Variants in ERBIN observed in about 807,000 individuals in gnomAD.
ERBIN encodes the protein erbb2 interacting protein.
ERBIN carries 60 observed loss-of-function variants against 158.4 expected under a neutral mutation model. The ratio of observed to expected loss-of-function variants is 0.38; its 90% CI spans 0.31 to 0.47. The LOEUF (loss-of-function observed/expected upper bound fraction) is 0.47, where lower values mean the gene tolerates loss of function less well. Ranked by LOEUF, ERBIN falls within the 20% of genes least tolerant of loss-of-function variation. The pLI is 0.99. For synonymous variants in ERBIN, 594 were observed against 557.2 expected, an observed-to-expected ratio of 1.07 and a Z score of -0.93; for missense variants, 1,610 against 1,648.0, an observed-to-expected ratio of 0.98 and a Z score of 0.40.
chr5:65,938,790 A>G (rs1744406357), intron 1 of ERBIN, among the ~76,000 whole-genome samples: 1 of 151,866 alleles, frequency 6.6e-6, no homozygotes. Context: ...TGACCTTATG[A>G]TCTGCCTGCC....
intron 1 of ERBIN, among the ~76,000 whole-genome samples, chr5:65,939,542 CCT>C (rs561711829): frequency 2.0e-4 from 30 of 149,340 alleles, no homozygotes; most frequent in Non-Finnish European, 4.1e-4. Flanking sequence ...CCCCCCTCTC[CCT>C]CTCCCCACGG....
At chr5:65,998,245 GAT>G (rs1031398810) in intron 4 of ERBIN, among the ~76,000 whole-genome samples, 6 of 146,870 alleles carry the variant, frequency 4.1e-5, no homozygotes, top group Admixed American at 1.4e-4. Flanking sequence ...TATATATATA[GAT>G]ATATATATAT....
chr5:66,035,895 A>G (rs1757348011), intron 14 of ERBIN, among the ~76,000 whole-genome samples: 2 of 152,068 alleles, frequency 1.3e-5, no homozygotes, highest in African/African-American at 4.8e-5. Context: ...GGAGTTTGAG[A>G]CCTGCCTGGG....
At chr5:66,023,466 G>T in intron 9 of ERBIN, 102 bp downstream of exon 9, 1 of 636,690 alleles carries the variant, frequency 1.6e-6, no homozygotes, top group Non-Finnish European at 2.6e-6. Flanking sequence ...TAAAAAAATT[G>T]AATTATTCTT....
At chr5:66,029,419 A>G (rs1756610020) in intron 14 of ERBIN, among the ~76,000 whole-genome samples, 1 of 152,196 alleles carries the variant, frequency 6.6e-6, no homozygotes, top group Admixed American at 6.5e-5. Flanking sequence ...GATACTCATG[A>G]ACTCCGCAGC....
At chr5:65,986,288 C>T (rs1457838289) in intron 1 of ERBIN, among the ~76,000 whole-genome samples, 1 of 152,214 alleles carries the variant, frequency 6.6e-6, no homozygotes, top group African/African-American at 2.4e-5. Context: ...CATCTTTCTT[C>T]TCTCTGCCTT....
chr5:66,017,870 GAGAT>G (rs1195443387), intron 7 of ERBIN, among the ~76,000 whole-genome samples: 2 of 152,128 alleles, frequency 1.3e-5, no homozygotes, highest in Non-Finnish European at 2.9e-5. Flanking sequence ...TGTATGGTGA[GAGAT>G]AGAGGTCTAG....
At chr5:66,036,571 C>T (rs1396133573) in intron 14 of ERBIN, among the ~76,000 whole-genome samples, 1 of 152,100 alleles carries the variant, frequency 6.6e-6, no homozygotes, top group East Asian at 1.9e-4. Flanking sequence ...GCACACTGTA[C>T]CCTGTCTACC....
At chr5:65,932,572 A>T (rs1461200812) in intron 1 of ERBIN, among the ~76,000 whole-genome samples, 1 of 152,176 alleles carries the variant, frequency 6.6e-6, no homozygotes, top group Non-Finnish European at 1.5e-5. Context: ...GAGACTGTGG[A>T]CTTCCAGGGC....
chr5:65,967,393 G>T (rs977800519), intron 1 of ERBIN, among the ~76,000 whole-genome samples: 15 of 148,892 alleles, frequency 1.0e-4, no homozygotes, highest in African/African-American at 3.5e-4. Context: ...AGGTGTACTA[G>T]TTTTTTTTTT....
chr5:66,035,595 A>G (rs1678448130), intron 14 of ERBIN, among the ~76,000 whole-genome samples: 2 of 152,242 alleles, frequency 1.3e-5, no homozygotes, highest in Non-Finnish European at 2.9e-5. Context: ...CACTAGTGTC[A>G]GGTGACTGGT....
At chr5:66,017,626 G>T (rs1754927945) in intron 7 of ERBIN, among the ~76,000 whole-genome samples, 1 of 149,764 alleles carries the variant, frequency 6.7e-6, no homozygotes, top group South Asian at 2.1e-4. Flanking sequence ...TCTGTGGTTT[G>T]TTCATTTTGT....
In ERBIN at chr5:66,054,929, T is replaced by A; in HGVS notation, c.3611T>A (p.Ile1204Asn). The A allele has an allele frequency of 6.3e-7, 1 of 1,580,542 alleles. No homozygotes were observed. Among genetic ancestry groups the A allele is most frequent in the Non-Finnish European group, 8.6e-7 (1 of 1,163,604 alleles). ...RDWREQVLRH[I>N]EAKKLEKKHP... ...TGGAGAGAACAAGTACTTCGACATA[T>A]TGAAGCCAAAAAGTTAGAAAAGGTA... Residue 1204 changes from isoleucine to asparagine, a missense_variant, in exon 21 of 26, where the codon ATT (isoleucine) becomes AAT (asparagine). Ile to Asn is a moderately radical substitution (Grantham distance 149). Coordinates refer to ENST00000284037, the MANE Select transcript of ERBIN (RefSeq NM_001253697.2).
At chr5:65,992,347 A>G (rs1471177448) in intron 2 of ERBIN, among the ~76,000 whole-genome samples, 2 of 151,602 alleles carry the variant, frequency 1.3e-5, no homozygotes, top group African/African-American at 4.9e-5. Context: ...ACGGGGTTTC[A>G]CTCTGTTAGC....
In ERBIN at chr5:66,079,525, G is replaced by A. The variant is rs1762284393; in HGVS notation, c.*995G>A. On this transcript the variant is annotated 3_prime_UTR_variant, in exon 26 of 26. Transcript: ENST00000284037. ...TGCCTGTAACACAAAATGTTACGAAGGTTTAGGAAAGCCTCTTTGATTTTT... is the reference window on the plus strand; with the variant it reads ...TGCCTGTAACACAAAATGTTACGAAAGTTTAGGAAAGCCTCTTTGATTTTT... 1 of 151,346 alleles carries A rather than the reference G, an allele frequency of 6.6e-6. No homozygotes were observed. Among genetic ancestry groups the A allele is most frequent in the Admixed American group, 6.6e-5 (1 of 15,258 alleles). 9.4% of individuals were successfully genotyped at this position (151,346 alleles called of 1,614,324 possible).
rs190655578 is a variant in ERBIN at position 66,081,749 on chromosome 5, T to G, written c.*3219T>G. On this transcript the variant is annotated 3_prime_UTR_variant, in exon 26 of 26. Transcript: ENST00000284037. ...ATGGAGATTGACGTGTGAAATCTAT[T>G]TGGAAGGGTATTTTTTTCACTCAGT... 1 of 152,232 alleles carries G rather than the reference T, an allele frequency of 6.6e-6. No individual in the cohort carries two copies. Among genetic ancestry groups the G allele is most frequent in the African/African-American group, 2.4e-5 (1 of 41,562 alleles). The allele number at this position is 152,232 out of a possible 1,614,324, so 9.4% of individuals were successfully genotyped here. A position where few individuals can be genotyped will look rare whatever the true frequency, so the allele number is the denominator to read the frequency against.
chr5:66,040,539 G>A (rs1365834365), intron 15 of ERBIN, among the ~76,000 whole-genome samples: 1 of 151,788 alleles, frequency 6.6e-6, no homozygotes, highest in African/African-American at 2.4e-5. Context: ...GATATTCTGG[G>A]TCATCTTAGA....
intron 1 of ERBIN, among the ~76,000 whole-genome samples, chr5:65,966,786 A>G (rs1359991988): frequency 1.3e-5 from 2 of 151,356 alleles, no homozygotes; most frequent in Non-Finnish European, 2.9e-5. Context: ...AGGAGATGAC[A>G]GTTCCGGTTG....
chr5:66,038,040 G>A (rs544710582), intron 14 of ERBIN, among the ~76,000 whole-genome samples: 1 of 152,188 alleles, frequency 6.6e-6, no homozygotes, highest in African/African-American at 2.4e-5. Context: ...AATATACAAT[G>A]GAAAGGCTTA....
Sources: gnomAD v4.1 joint callset for allele counts (sites outside exome capture counted in the v4.1 genomes callset) on GRCh38, gnomAD v4.1.1 for gene constraint, MANE v1.5 for transcripts, NCBI Gene and HGNC (gene_info 2026-07-23, HGNC 2026-07-21) for gene names.